Variants in PRDX3 observed in about 807,000 individuals in gnomAD.
PRDX3 encodes peroxiredoxin 3.
A neutral mutation model predicts 30.4 loss-of-function variants in PRDX3; 20 were observed. The ratio of observed to expected loss-of-function variants is 0.66; its 90% confidence interval spans 0.46 to 0.96. The LOEUF (loss-of-function observed/expected upper bound fraction) is 0.96. PRDX3 is among the 40% of genes least tolerant of loss of function. The pLI, the probability that PRDX3 is intolerant of heterozygous loss-of-function variation, is 0.00. For missense variants in PRDX3, 322 were observed against 318.3 expected, an observed-to-expected ratio of 1.01 and a Z score of -0.09; for synonymous variants, 124 against 117.8, an observed-to-expected ratio of 1.05 and a Z score of -0.34.
At chr10:119,170,842 C>G (rs1847887717) in intron 5 of PRDX3, 1 of 150,222 alleles carries the variant, frequency 6.7e-6, no homozygotes, top group Non-Finnish European at 1.5e-5. Context: ...TTGCAGTGAG[C>G]CGAGATCACG....
Position 119,178,740 on chromosome 10 carries a change from C to G in PRDX3, c.36+15G>C. 1 of 1,551,366 alleles carries G rather than the reference C, an allele frequency of 6.4e-7. No individual in the cohort carries two copies. The highest frequency in any genetic ancestry group is 8.7e-7 in the Non-Finnish European group (1 of 1,147,316). On this transcript the variant is annotated intron_variant, in intron 1 of 6. Transcript: ENST00000298510. The stretch of plus-strand genomic sequence containing the variant: ...CCAGTGTCTCCACGCCTGTCCCCAG[C>G]CGACAGCCACTCACCGACGCTCGGA...
chr10:119,168,251 C>A lies in PRDX3; in HGVS notation c.*229G>T. On this transcript the variant is annotated 3_prime_UTR_variant, in exon 7 of 7. Coordinates refer to ENST00000298510, the MANE Select transcript of PRDX3 (RefSeq NM_006793.5). ...GCAAATTATGTTCTGTAGAAACTAG[C>A]TAGCCAGCCACCAAGATGTTACCAA... 1.2e-6 allele frequency: 1 copy of A among 800,820 alleles called. No individual in the cohort carries two copies. Among genetic ancestry groups the A allele is most frequent in the Non-Finnish European group, 1.8e-6 (1 of 549,630 alleles). 49.6% of individuals were successfully genotyped at this position (800,820 alleles called of 1,614,324 possible).
intron 6 of PRDX3, among the ~76,000 whole-genome samples, chr10:119,168,970 CAAAAA>C (rs34820945): frequency 7.5e-6 from 1 of 133,576 alleles, no homozygotes. Context: ...GACTCCGTCT[CAAAAA>C]AAAAAAAAAA....
At chr10:119,176,929 T>G (rs1848042067) in intron 2 of PRDX3, 92 bp downstream of exon 2, 1 of 1,523,270 alleles carries the variant, frequency 6.6e-7, no homozygotes, top group Non-Finnish European at 8.9e-7. Flanking sequence ...CAGGTGACTC[T>G]AACGTTTGGC....
In PRDX3 at chr10:119,173,746, TG is replaced by T; in HGVS notation, c.437del (p.Thr146AsnfsTer11). On this transcript the variant is annotated frameshift_variant, in exon 4 of 7. Transcript: ENST00000298510. LOFTEE classifies it high-confidence loss of function. ...SHFSHLAWIN[T>X]PRKNGGLGHM... ...GGGTACAATGCCATACCTTTCTTGG[TG>T]TATTTATCCAGGCAAGATGGCTAAA... 6.2e-7 allele frequency: 1 copy of T among 1,611,828 alleles called. No homozygotes were observed. Among genetic ancestry groups the T allele is most frequent in the Non-Finnish European group, 8.5e-7 (1 of 1,179,842 alleles).
rs564050318 is a variant in PRDX3, at chr10:119,177,688, T to A, written c.37-535A>T. Among the ~76,000 whole-genome samples the A allele has an allele frequency of 9.1e-4, 136 of 150,014 alleles. 2 individuals are homozygous for A. Among genetic ancestry groups the A allele is most frequent in the African/African-American group, 2.1e-3 (86 of 40,590 alleles). On this transcript the variant is annotated intron_variant, in intron 1 of 6. Coordinates refer to ENST00000298510, the MANE Select transcript of PRDX3 (RefSeq NM_006793.5). Reference sequence around the variant, plus strand: ...AAAAAAATCAGAAACTCCATGCGCTTAAAGCAACACAGGGTTCAGAAGCCA... The same window carrying A: ...AAAAAAATCAGAAACTCCATGCGCTAAAAGCAACACAGGGTTCAGAAGCCA...
chr10:119,169,517 G>A, intron 5 of PRDX3, 175 bp from the exon 6 acceptor site: 1 of 569,302 alleles, frequency 1.8e-6, no homozygotes, highest in Non-Finnish European at 3.1e-6. Context: ...TCTTACTGAT[G>A]ACAGATGCTT....
intron 5 of PRDX3, among the ~76,000 whole-genome samples, chr10:119,171,744 C>CA (rs1847913130): frequency 6.6e-6 from 1 of 152,162 alleles, no homozygotes. Context: ...TGGGGCTCAA[C>CA]AAGGTTAAAT....
Position 119,168,401 on chromosome 10 carries a change from AC to A in PRDX3, c.*78del. On this transcript the variant is annotated 3_prime_UTR_variant, in exon 7 of 7. Coordinates refer to ENST00000298510, the MANE Select transcript of PRDX3 (RefSeq NM_006793.5). ...ATTGGTTCCTTGCCTTCTACAAATA[AC>A]CATCTTGAAAATGATAAAAGCAGGT... The A allele has an allele frequency of 6.2e-7, 1 of 1,600,052 alleles. No homozygotes were observed. Among genetic ancestry groups the A allele is most frequent in the Non-Finnish European group, 8.5e-7 (1 of 1,176,244 alleles).
intron 6 of PRDX3, 42 bp from the exon 7 acceptor site, chr10:119,168,575 A>G (rs1847822103): frequency 6.2e-7 from 1 of 1,609,212 alleles, no homozygotes; most frequent in Admixed American, 1.7e-5. Flanking sequence ...TGACTTTACC[A>G]TAATAATAGT....
Position 119,177,002 on chromosome 10 carries a change from G to T in PRDX3, c.169+19C>A, listed in dbSNP as rs372436470. The T allele has an allele frequency of 6.2e-7, 1 of 1,613,838 alleles. No individual in the cohort carries two copies. Among genetic ancestry groups the T allele is most frequent in the Admixed American group, 1.7e-5 (1 of 60,018 alleles). On this transcript the variant is annotated intron_variant, in intron 2 of 6. Transcript: ENST00000298510. ...TTTTCCTTTACCTGGCTCCAGCCAA[G>T]ACATGACATAACACTTACTGGTGCT...
intron 1 of PRDX3, among the ~76,000 whole-genome samples, chr10:119,178,530 AGAG>A (rs1848099119): frequency 1.3e-5 from 2 of 152,370 alleles, no homozygotes; most frequent in East Asian, 1.9e-4. Flanking sequence ...GGACGCCGAA[AGAG>A]GAGGGACTCG....
Position 119,178,677 on chromosome 10 carries a change from G to C in PRDX3, c.36+78C>G, listed in dbSNP as rs879660811. ...GGGCGAATGGCCCTCATGCCCAGAA[G>C]CGCGGGGTCCTGTCTGAGAAGCACG... On this transcript the variant is annotated intron_variant, in intron 1 of 6. Coordinates refer to ENST00000298510, the MANE Select transcript of PRDX3 (RefSeq NM_006793.5). The C allele has an allele frequency of 8.6e-6, 13 of 1,506,882 alleles. No homozygotes were observed. The African/African-American group carries it at 1.2e-4, about 14-fold the overall frequency. 93.3% of individuals were successfully genotyped at this position (1,506,882 alleles called of 1,614,324 possible). A position where few individuals can be genotyped will look rare whatever the true frequency, so the allele number is the denominator to read the frequency against.
chr10:119,175,220 G>C (rs1455988329), intron 2 of PRDX3, among the ~76,000 whole-genome samples: 2 of 152,210 alleles, frequency 1.3e-5, no homozygotes, highest in Admixed American at 6.5e-5. Flanking sequence ...GGGGCAGATG[G>C]CATGTAGGAA....
intron 4 of PRDX3, 83 bp downstream of exon 4, chr10:119,173,654 T>G: frequency 6.8e-7 from 1 of 1,462,276 alleles, no homozygotes; most frequent in Non-Finnish European, 9.3e-7. Context: ...TAATTTGATC[T>G]TGATAGTCCA....
At chr10:119,171,763 TTG>T (rs1462877637) in intron 5 of PRDX3, among the ~76,000 whole-genome samples, 4 of 152,324 alleles carry the variant, frequency 2.6e-5, no homozygotes, top group African/African-American at 9.6e-5. Flanking sequence ...ATCAAATCAG[TTG>T]CCCAAAGTCA....
intron 5 of PRDX3, among the ~76,000 whole-genome samples, chr10:119,171,234 G>T (rs1847900346): frequency 3.9e-5 from 6 of 152,034 alleles, no homozygotes; most frequent in Admixed American, 3.3e-4. Flanking sequence ...TAGAGACGGG[G>T]TTTCACCATG....
intron 2 of PRDX3, chr10:119,174,851 A>G: frequency 2.8e-6 from 1 of 360,298 alleles, no homozygotes. Context: ...ACCCTCCAGT[A>G]TACTTAAATC....
chr10:119,176,200 C>A (rs1349488578), intron 2 of PRDX3, among the ~76,000 whole-genome samples: 1 of 152,080 alleles, frequency 6.6e-6, no homozygotes, highest in Non-Finnish European at 1.5e-5. Context: ...CAGGAATGAG[C>A]GACAGAGTAG....
Sources: allele counts gnomAD v4.1 joint callset (sites outside exome capture counted in the v4.1 genomes callset), GRCh38; gene constraint gnomAD v4.1.1; transcripts MANE v1.5; gene names NCBI Gene and HGNC (gene_info 2026-07-23, HGNC 2026-07-21).